IL22RA1: variants seen among roughly 807,000 people sequenced by gnomAD.
IL22RA1 encodes the protein interleukin-22 receptor subunit alpha-1.
Under a neutral mutation model 32.8 loss-of-function variants are expected in IL22RA1, and 25 were observed. The observed-to-expected ratio is 0.76, with a 90% CI of 0.55 to 1.06. IL22RA1 has a LOEUF of 1.06. IL22RA1 is among the 50% of genes least tolerant of loss of function. The probability of loss-of-function intolerance (pLI) is 0.00; values close to 1 mark genes in which losing one functional copy is unlikely to be tolerated. For missense variants in IL22RA1, 709 were observed against 727.4 expected (o/e 0.97, Z 0.29); for synonymous variants, 305 against 305.0 (o/e 1.00, Z 0.00).
chr1:24,121,482 A>G lies in IL22RA1; in HGVS notation c.1048T>C (p.Ser350Pro). The G allele has an allele frequency of 1.9e-6, 3 of 1,565,876 alleles. No homozygotes were observed. Among genetic ancestry groups the G allele is most frequent in the Non-Finnish European group, 2.6e-6 (3 of 1,152,654 alleles). ...VPPPQILSPL[S>P]YAPNAAPEVG... Reference sequence around the variant, plus strand: ...TCAGGGGCAGCGTTTGGGGCATAGGACAGTGGGGAGAGGATCTGGGGAGGT... The same window carrying G: ...TCAGGGGCAGCGTTTGGGGCATAGGGCAGTGGGGAGAGGATCTGGGGAGGT... Residue 350 changes from serine to proline, a missense_variant, in exon 7 of 7, where the codon TCC becomes CCC. Coordinates refer to ENST00000270800, the MANE Select transcript of IL22RA1 (RefSeq NM_021258.4).
At chr1:24,131,024 C>T (rs151164440) in intron 4 of IL22RA1, among the ~76,000 whole-genome samples, 51 of 152,110 alleles carry the variant, frequency 3.4e-4, no homozygotes, top group African/African-American at 1.1e-3. Context: ...TTTAAAGCAG[C>T]GGTATAACAA....
Position 24,121,180 on chromosome 1 carries a change from C to T in IL22RA1, c.1350G>A (p.Val450=). The stretch of plus-strand genomic sequence containing the variant: ...GGGATTCCTCCATAGCCAAGGAGGT[C>T]ACCTCCTGCAGAGAAAGGCCACCTA... The part of the protein sequence containing the change: ...CMLGGLSLQE[V]TSLAMEESQE... Residue 450 remains valine, a synonymous_variant, in exon 7 of 7, where the codon GTG becomes GTA. Transcript: ENST00000270800. 1 of 1,614,192 alleles carries T rather than the reference C, an allele frequency of 6.2e-7. No individual in the cohort carries two copies. Among genetic ancestry groups the T allele is most frequent in the Non-Finnish European group, 8.5e-7 (1 of 1,180,012 alleles).
chr1:24,138,599 G>T lies in IL22RA1; in HGVS notation c.159C>A (p.Tyr53Ter). Residue 53 changes from tyrosine (Y) to a stop codon, truncating the protein, a stop_gained, in exon 2 of 7, where the codon TAC becomes TAA. Coordinates refer to ENST00000270800, the MANE Select transcript of IL22RA1 (RefSeq NM_021258.4). LOFTEE classifies it high-confidence loss of function. Reference protein sequence around the residue: ...SGPEGTPDTVYSIEYKTYGER... With the variant: ...SGPEGTPDTV Reference sequence around the variant, plus strand: ...AAGCCTACGTCTTATACTCGATGCTGTAGACCGTGTCTGGGGTGCCCTCCG... The same window carrying T: ...AAGCCTACGTCTTATACTCGATGCTTTAGACCGTGTCTGGGGTGCCCTCCG... 6.2e-7 allele frequency: 1 copy of T among 1,614,152 alleles called. No homozygotes were observed. The highest frequency in any genetic ancestry group is 8.5e-7 in the Non-Finnish European group (1 of 1,179,994).
Position 24,121,572 on chromosome 1 carries a change from T to A in IL22RA1, c.958A>T (p.Ser320Cys). 6.2e-7 allele frequency: 1 copy of A among 1,611,896 alleles called. No individual in the cohort carries two copies. The highest frequency in any genetic ancestry group is 8.5e-7 in the Non-Finnish European group (1 of 1,178,534). The change falls in exon 7 of 7, where the codon AGC (serine) becomes TGC (cysteine). Residue 320 changes from serine (S) to cysteine (C), a missense_variant. Transcript: ENST00000270800. ...CCTAAGTAGGTGATCTCGGACAGGC[T>A]ATGCCGCTGTGGAGCTCCTGCGGGC... ...REPAGAPQRHSLSEITYLGQP... is the reference protein window; with the variant it reads ...REPAGAPQRHCLSEITYLGQP...
At chr1:24,142,677 A>G (rs949316610) in intron 1 of IL22RA1, among the ~76,000 whole-genome samples, 2 of 152,192 alleles carry the variant, frequency 1.3e-5, no homozygotes, top group Non-Finnish European at 2.9e-5. Context: ...CAGAGGAAGG[A>G]TGGTACAAAC....
intron 3 of IL22RA1, among the ~76,000 whole-genome samples, 166 bp downstream of exon 3, chr1:24,136,965 G>C (rs1216220822): frequency 1.3e-5 from 2 of 152,028 alleles, no homozygotes; most frequent in Non-Finnish European, 2.9e-5. Flanking sequence ...TGTAATTGGT[G>C]GGGGTGGGGG....
rs1484654901 is a variant in IL22RA1, at chr1:24,121,312, G to A, written c.1218C>T (p.Cys406=). 3 of 1,612,802 alleles carry A rather than the reference G, an allele frequency of 1.9e-6. No homozygotes were observed. The highest frequency in any genetic ancestry group is 3.3e-5 in the Admixed American group (2 of 59,922). ...PDSWPPSYGV[C]MEGSGKDSPT... The stretch of plus-strand genomic sequence containing the variant: ...GGGAGTCTTTGCCAGAACCTTCCAT[G>A]CATACCCCATAGGAGGGAGGCCAGC... The change falls in exon 7 of 7, where the codon TGC becomes TGT. Residue 406 remains cysteine (C), a synonymous_variant. Coordinates refer to ENST00000270800, the MANE Select transcript of IL22RA1 (RefSeq NM_021258.4).
At chr1:24,136,824 T>G (rs998195274) in intron 3 of IL22RA1, among the ~76,000 whole-genome samples, 11 of 151,260 alleles carry the variant, frequency 7.3e-5, no homozygotes, top group Admixed American at 7.3e-4. Flanking sequence ...CTGGAGGAGG[T>G]GGTAAAGAGG....
At position 24,137,208 on chromosome 1, in the gene IL22RA1, T is replaced by C; in HGVS notation, c.278A>G (p.Tyr93Cys). The stretch of plus-strand genomic sequence containing the variant: ...CGCACTGACAGCGGTGACCCTGGCA[T>C]AGTAGAGCTCCGTGAGGTTGCCCGT... ...VETGNLTELYYARVTAVSAGG... is the reference protein window; with the variant it reads ...VETGNLTELYCARVTAVSAGG... The change falls in exon 3 of 7, where the codon TAT (tyrosine) becomes TGT (cysteine). Residue 93 changes from tyrosine (Y) to cysteine (C), a missense_variant. Coordinates refer to ENST00000270800, the MANE Select transcript of IL22RA1 (RefSeq NM_021258.4). 6.2e-7 allele frequency: 1 copy of C among 1,614,134 alleles called. No homozygotes were observed. The highest frequency in any genetic ancestry group is 8.5e-7 in the Non-Finnish European group (1 of 1,180,030).
At chr1:24,136,196 C>G (rs2506094) in intron 3 of IL22RA1, among the ~76,000 whole-genome samples, 58,907 of 152,030 alleles carry the variant, frequency 0.39, 12,073 homozygotes, top group East Asian at 0.69. Context: ...CTCAAGTGAT[C>G]CTCTTGCCTC....
chr1:24,130,611 T>C (rs1427135515), intron 4 of IL22RA1, among the ~76,000 whole-genome samples: 1 of 152,194 alleles, frequency 6.6e-6, no homozygotes, highest in Non-Finnish European at 1.5e-5. Flanking sequence ...CATTTCAAAA[T>C]TGTTAGACAT....
intron 5 of IL22RA1, 126 bp downstream of exon 5, chr1:24,128,015 A>G: frequency 3.2e-6 from 3 of 925,046 alleles, no homozygotes; most frequent in Non-Finnish European, 4.6e-6. Flanking sequence ...CTTCAATAAC[A>G]CACTGATAAC....
chr1:24,140,899 C>A (rs547020084), intron 1 of IL22RA1, among the ~76,000 whole-genome samples: 1 of 152,234 alleles, frequency 6.6e-6, no homozygotes, highest in African/African-American at 2.4e-5. Flanking sequence ...TCCCCAGACA[C>A]GTCTACGACT....
At chr1:24,132,741 C>T (rs1644214912) in intron 4 of IL22RA1, among the ~76,000 whole-genome samples, 1 of 151,824 alleles carries the variant, frequency 6.6e-6, no homozygotes, top group Non-Finnish European at 1.5e-5. Context: ...TGGCTCATGC[C>T]TGTCAACCCA....
chr1:24,125,031 T>C (rs1470250052), intron 5 of IL22RA1, among the ~76,000 whole-genome samples: 2 of 152,116 alleles, frequency 1.3e-5, no homozygotes, highest in African/African-American at 4.8e-5. Flanking sequence ...ATACAGGGTG[T>C]TAGAGGCCTG....
chr1:24,140,488 G>A (rs1644273206), intron 1 of IL22RA1, among the ~76,000 whole-genome samples: 2 of 152,140 alleles, frequency 1.3e-5, no homozygotes, highest in African/African-American at 4.8e-5. Flanking sequence ...TAGGGAGGAG[G>A]AGAAGAGAGA....
intron 1 of IL22RA1, among the ~76,000 whole-genome samples, chr1:24,140,727 G>C (rs1272583110): frequency 1.3e-5 from 2 of 152,252 alleles, no homozygotes; most frequent in Admixed American, 6.5e-5. Flanking sequence ...GAGAGCAAGA[G>C]CCTGCGGGAA....
Position 24,140,300 on chromosome 1 carries a change from T to C in IL22RA1, c.44-1586A>G, listed in dbSNP as rs181824595. On this transcript the variant is annotated intron_variant, in intron 1 of 6. Coordinates refer to ENST00000270800, the MANE Select transcript of IL22RA1 (RefSeq NM_021258.4). ...CTGGTTGTGGGGCGGATAGAGCGGG[T>C]TGGCGTCTGTGAATGTGTTTAGTGT... Among the ~76,000 whole-genome samples, 140 of 152,284 alleles carry C rather than the reference T, an allele frequency of 9.2e-4. 1 individual carries two copies. In the South Asian group the frequency reaches 0.026, roughly 28 times the overall value.
At chr1:24,127,550 T>A (rs192283416) in intron 5 of IL22RA1, among the ~76,000 whole-genome samples, 101 of 152,294 alleles carry the variant, frequency 6.6e-4, no homozygotes, top group Non-Finnish European at 1.1e-3. Context: ...TGGGCTCAAG[T>A]GATCCTCCTG....
Sources: allele counts gnomAD v4.1 joint callset (sites outside exome capture counted in the v4.1 genomes callset), GRCh38; gene constraint gnomAD v4.1.1; transcripts MANE v1.5; gene names NCBI Gene and HGNC (gene_info 2026-07-23, HGNC 2026-07-21).